Variants in HLCS observed in about 807,000 individuals in gnomAD.
The protein encoded by HLCS is holocarboxylase synthetase.
A neutral mutation model predicts 75.0 loss-of-function variants in HLCS; 53 were observed. That is an observed-to-expected ratio of 0.71 (90% CI 0.57 to 0.89). The LOEUF is 0.89. HLCS is among the 40% of genes least tolerant of loss of function. The probability of loss-of-function intolerance (pLI) is 0.00; values close to 1 mark genes in which losing one functional copy is unlikely to be tolerated. For missense variants in HLCS, 966 were observed against 1,074.0 expected, an observed-to-expected ratio of 0.90 and a Z score of 1.41; for synonymous variants, 431 against 428.6, an observed-to-expected ratio of 1.01 and a Z score of -0.07.
chr21:36,935,282 C>A (rs1216859315), intron 4 of HLCS, among the ~76,000 whole-genome samples: 1 of 152,202 alleles, frequency 6.6e-6, no homozygotes, highest in East Asian at 1.9e-4. Context: ...CTGCAGGAAA[C>A]CTGCTTGGGC....
chr21:36,954,240 A>C (rs2146619539), intron 2 of HLCS, among the ~76,000 whole-genome samples: 1 of 152,056 alleles, frequency 6.6e-6, no homozygotes, highest in South Asian at 2.1e-4. Context: ...CGGGAGGCAG[A>C]GGTTGCAGTG....
chr21:36,810,407 AT>A (rs1207316231), intron 6 of HLCS, among the ~76,000 whole-genome samples: 2 of 152,104 alleles, frequency 1.3e-5, no homozygotes, highest in Non-Finnish European at 2.9e-5. Context: ...TATAAACAGA[AT>A]TTGGGGATCC....
intron 6 of HLCS, among the ~76,000 whole-genome samples, chr21:36,806,946 T>G (rs2061378967): frequency 6.6e-6 from 1 of 152,154 alleles, no homozygotes; most frequent in Admixed American, 6.5e-5. Context: ...CTTTGTCCCT[T>G]CCCAACCTCA....
At chr21:36,894,203 G>GT (rs1007430388) in intron 6 of HLCS, among the ~76,000 whole-genome samples, 4 of 152,136 alleles carry the variant, frequency 2.6e-5, no homozygotes, top group Admixed American at 1.3e-4. Context: ...TGCAACGATT[G>GT]TAAGTTTCCT....
chr21:36,981,472 C>T (rs1181547045), intron 1 of HLCS, among the ~76,000 whole-genome samples: 1 of 142,842 alleles, frequency 7.0e-6, no homozygotes, highest in African/African-American at 2.6e-5. Flanking sequence ...ACGATCTTGG[C>T]TCACTATAAC....
intron 1 of HLCS, among the ~76,000 whole-genome samples, chr21:36,979,891 C>T (rs576070328): frequency 4.6e-5 from 7 of 151,990 alleles, no homozygotes; most frequent in African/African-American, 1.7e-4. Context: ...CACATCTCTA[C>T]AAAAGTAAAG....
intron 2 of HLCS, among the ~76,000 whole-genome samples, chr21:36,957,451 A>C (rs1208602330): frequency 6.6e-6 from 1 of 152,186 alleles, no homozygotes; most frequent in African/African-American, 2.4e-5. Flanking sequence ...ATTTCTTTAT[A>C]GCAATGCAAG....
chr21:36,798,020 G>T (rs915123835), intron 6 of HLCS, among the ~76,000 whole-genome samples: 2 of 152,074 alleles, frequency 1.3e-5, no homozygotes, highest in African/African-American at 4.8e-5. Context: ...GTGGGGAGAA[G>T]CCCTCTCTGA....
At chr21:36,986,370 G>A (rs781698336) in intron 1 of HLCS, among the ~76,000 whole-genome samples, 8 of 152,148 alleles carry the variant, frequency 5.3e-5, no homozygotes, top group South Asian at 2.1e-4. Context: ...CCCAGTAAGC[G>A]CCCACCTGAA....
chr21:36,849,508 G>A (rs1601503679), intron 6 of HLCS, among the ~76,000 whole-genome samples: 1 of 152,234 alleles, frequency 6.6e-6, no homozygotes, highest in African/African-American at 2.4e-5. Context: ...GCATCTGGGT[G>A]GAAGGAAGGC....
At chr21:36,922,601 C>T (rs879532603) in intron 5 of HLCS, among the ~76,000 whole-genome samples, 7 of 152,116 alleles carry the variant, frequency 4.6e-5, no homozygotes, top group Admixed American at 6.5e-5. Context: ...CCTGAGGGAC[C>T]GACAGACGGA....
intron 6 of HLCS, among the ~76,000 whole-genome samples, chr21:36,862,146 A>G (rs2063401389): frequency 6.6e-6 from 1 of 152,220 alleles, no homozygotes; most frequent in African/African-American, 2.4e-5. Flanking sequence ...TTATGGCTCA[A>G]TAATATTCCA....
intron 4 of HLCS, among the ~76,000 whole-genome samples, chr21:36,933,301 G>A (rs1000476030): frequency 9.2e-5 from 14 of 152,122 alleles, no homozygotes; most frequent in Middle Eastern, 3.4e-3. Flanking sequence ...AGGCAGAAAA[G>A]CAAAACCCTC....
chr21:36,898,652 T>C (rs80190889), intron 5 of HLCS, among the ~76,000 whole-genome samples: 2 of 152,072 alleles, frequency 1.3e-5, no homozygotes, highest in Admixed American at 1.3e-4. Flanking sequence ...GGTGGTTCTT[T>C]ATTGGATCCC....
chr21:36,871,980 A>C (rs1426772016), intron 6 of HLCS, among the ~76,000 whole-genome samples: 1 of 152,238 alleles, frequency 6.6e-6, no homozygotes, highest in Non-Finnish European at 1.5e-5. Context: ...TAAAAGACTG[A>C]CCACACCAAA....
chr21:36,974,660 C>G (rs2068889155), intron 1 of HLCS: 2 of 152,142 alleles, frequency 1.3e-5, no homozygotes, highest in African/African-American at 4.8e-5. Flanking sequence ...ATGAGGTCAT[C>G]ACCTAATCTG....
intron 6 of HLCS, among the ~76,000 whole-genome samples, chr21:36,783,657 T>C (rs910347588): frequency 4.6e-5 from 7 of 152,200 alleles, no homozygotes; most frequent in African/African-American, 1.7e-4. Flanking sequence ...AGCCACTTAG[T>C]GTGTCTGAAT....
At chr21:36,813,357 A>G (rs1370972345) in intron 6 of HLCS, among the ~76,000 whole-genome samples, 4 of 152,120 alleles carry the variant, frequency 2.6e-5, no homozygotes, top group Non-Finnish European at 5.9e-5. Context: ...ATTCTTATTT[A>G]TGTTTTTCAG....
intron 6 of HLCS, among the ~76,000 whole-genome samples, chr21:36,804,754 T>C (rs746211133): frequency 6.6e-6 from 1 of 152,242 alleles, no homozygotes; most frequent in Non-Finnish European, 1.5e-5. Flanking sequence ...ACTGCTGCCA[T>C]AGTAGATGGC....
Sources: gnomAD v4.1 joint callset for allele counts (sites outside exome capture counted in the v4.1 genomes callset) on GRCh38, gnomAD v4.1.1 for gene constraint, MANE v1.5 for transcripts, NCBI Gene and HGNC (gene_info 2026-07-23, HGNC 2026-07-21) for gene names.